Variants in MYH13 observed in about 807,000 individuals in gnomAD.
MYH13 encodes myosin heavy chain 13.
In MYH13, 177 loss-of-function variants were observed where a neutral mutation model predicts 232.1. The ratio of observed to expected loss-of-function variants is 0.76; its 90% CI spans 0.67 to 0.86. The LOEUF is 0.86. Ranked by LOEUF, MYH13 falls within the 40% of genes least tolerant of loss-of-function variation. The pLI, the probability that MYH13 is intolerant of heterozygous loss-of-function variation, is 0.00. For missense variants in MYH13, 2,246 were observed against 2,405.9 expected (o/e 0.93, Z 1.39); for synonymous variants, 884 against 923.5 (o/e 0.96, Z 0.78).
chr17:10,366,381 G>GTTTGTTTTTTTTTTTTT (rs2071837334), intron 2 of MYH13, among the ~76,000 whole-genome samples: 72 of 112,620 alleles, frequency 6.4e-4, no homozygotes, highest in African/African-American at 2.2e-3. Flanking sequence ...AAATAAATCT[G>GTTTGTTTTTTTTTTTTT]TTTTTTTTTT....
rs752805492 is a variant in MYH13, at chr17:10,340,183, G to A, written c.2023C>T (p.Arg675Ter). ...TTGGTCTCATTGGGAATCAGACATCGTACAAAGTGAGGGTGGGTGCTCCTT... is the reference window on the plus strand; with the variant it reads ...TTGGTCTCATTGGGAATCAGACATCATACAAAGTGAGGGTGGGTGCTCCTT... ...NLRSTHPHFV[R>*]CLIPNETKTP... The change falls in exon 18 of 41, where the codon CGA becomes TGA. Residue 675 changes from arginine to a stop codon, truncating the protein, a stop_gained. Coordinates refer to ENST00000252172, the MANE Select transcript of MYH13 (RefSeq NM_003802.3). LOFTEE classifies it high-confidence loss of function. The A allele has an allele frequency of 1.2e-6, 2 of 1,613,858 alleles. No homozygotes were observed. Among genetic ancestry groups the A allele is most frequent in the East Asian group, 2.2e-5 (1 of 44,878 alleles).
rs191788971 is a variant in MYH13 at position 10,353,639 on chromosome 17, T to C, written c.1005+1041A>G. On this transcript the variant is annotated intron_variant, in intron 11 of 40. Coordinates refer to ENST00000252172, the MANE Select transcript of MYH13 (RefSeq NM_003802.3). ...CAGCACTTTGGGAGGCTGAGCTGGG[T>C]GGATCACCAGAGATCAGGAGTTTGA... 4.3e-3 allele frequency among the ~76,000 whole-genome samples: 649 copies of C among 152,150 alleles called. 11 individuals carry two copies. The highest frequency in any genetic ancestry group is 0.015 in the African/African-American group (630 of 41,514).
At chr17:10,322,391 C>T (rs754114904) in intron 23 of MYH13, among the ~76,000 whole-genome samples, 7 of 152,036 alleles carry the variant, frequency 4.6e-5, no homozygotes, top group South Asian at 4.1e-4. Flanking sequence ...AGCGAGACTC[C>T]GTCTCAAAAA....
At chr17:10,330,670 G>A (rs1015122364) in intron 20 of MYH13, 147 bp from the exon 21 acceptor site, 22 of 1,159,228 alleles carry the variant, frequency 1.9e-5, no homozygotes, top group African/African-American at 3.1e-5. Flanking sequence ...CTTGCTTCTC[G>A]GTGGCTCTGG....
rs61543278 is a variant in MYH13, at chr17:10,326,981, G to GTTTTTTTTTTTTTT, written c.2691+871_2691+884dup. ...GAGACATGCACCACCATGCCTACTA[G>GTTTTTTTTTTTTTT]TTTTTTTTTTTTTTTTTTTTTTTTT... On this transcript the variant is annotated intron_variant, in intron 22 of 40. Transcript: ENST00000252172. Among the ~76,000 whole-genome samples the GTTTTTTTTTTTTTT allele has an allele frequency of 4.6e-3, 256 of 55,832 alleles. 117 individuals carry two copies. Among genetic ancestry groups the GTTTTTTTTTTTTTT allele is most frequent in the Middle Eastern group, 0.035 (3 of 86 alleles). 36.6% of individuals were successfully genotyped at this position (55,832 alleles called of 152,430 possible).
At chr17:10,359,579 G>C (rs2071775295) in intron 7 of MYH13, among the ~76,000 whole-genome samples, 1 of 152,160 alleles carries the variant, frequency 6.6e-6, no homozygotes, top group Non-Finnish European at 1.5e-5. Context: ...GGGGTCGTGA[G>C]CTCCTCCCAA....
chr17:10,332,284 C>A (rs73281983), intron 19 of MYH13, 62 bp from the exon 20 acceptor site: 45,792 of 1,596,124 alleles, frequency 0.029, 1,198 homozygotes, highest in African/African-American at 0.13. Context: ...TAGCTGAGAC[C>A]AGCCTTCTAG....
chr17:10,338,796 G>A (rs778981352), intron 18 of MYH13, among the ~76,000 whole-genome samples: 3 of 150,434 alleles, frequency 2.0e-5, no homozygotes, highest in Non-Finnish European at 4.4e-5. Context: ...CGTCTCCCGG[G>A]TTCACGCCAT....
chr17:10,332,912 A>G (rs1907458733), intron 19 of MYH13, among the ~76,000 whole-genome samples, 162 bp downstream of exon 19: 1 of 152,136 alleles, frequency 6.6e-6, no homozygotes, highest in Non-Finnish European at 1.5e-5. Flanking sequence ...GGGCTGGCCC[A>G]CTCACTGTGG....
At chr17:10,346,872 C>T in intron 12 of MYH13, 74 bp from the exon 13 acceptor site, 1 of 1,084,748 alleles carries the variant, frequency 9.2e-7, no homozygotes, top group East Asian at 2.4e-5. Flanking sequence ...CCTGGCTTCT[C>T]CCAGAAGTGT....
chr17:10,346,717 C>T lies in MYH13; in HGVS notation c.1226G>A (p.Gly409Asp). The T allele has an allele frequency of 1.2e-6, 2 of 1,613,922 alleles. No homozygotes were observed. Among genetic ancestry groups the T allele is most frequent in the Non-Finnish European group, 1.7e-6 (2 of 1,179,828 alleles). ...TTGCCCTTTAGTGACATATTCATTG[C>T]CAACCTTCACCCTTGGACAGCACAG... Reference protein sequence around the residue: ...KGLCCPRVKVGNEYVTKGQNV... With the variant: ...KGLCCPRVKVDNEYVTKGQNV... The change falls in exon 13 of 41, where the codon GGC (glycine) becomes GAC (aspartate). Residue 409 changes from glycine (G) to aspartate (D), a missense_variant. Physicochemically the swap from Gly to Asp is moderately conservative, Grantham distance 94. Transcript: ENST00000252172.
intron 7 of MYH13, among the ~76,000 whole-genome samples, chr17:10,359,626 A>G (rs2071776036): frequency 1.3e-5 from 2 of 152,146 alleles, no homozygotes; most frequent in Non-Finnish European, 2.9e-5. Context: ...GGAGGCCCGG[A>G]CTGGTCCCTG....
At position 10,315,763 on chromosome 17, in the gene MYH13, A is replaced by T. The variant is rs139070154; in HGVS notation, c.3914T>A (p.Leu1305Gln). The change falls in exon 29 of 41, where the codon CTG becomes CAG. Residue 1305 changes from leucine (L) to glutamine (Q), a missense_variant. Leu to Gln is a moderately radical substitution (Grantham distance 113). Coordinates refer to ENST00000252172, the MANE Select transcript of MYH13 (RefSeq NM_003802.3). ...GGTGAGGGCCTGCTTGCTTTTGGTC[A>T]GCTGTGAAATCAGAGACTCCTTCTC... ...VEEKESLISQ[L>Q]TKSKQALTQQ... 1,888 of 1,613,884 alleles carry T rather than the reference A, an allele frequency of 1.2e-3. 22 individuals carry two copies. In the African/African-American group the frequency reaches 0.021, roughly 18 times the overall value.
intron 11 of MYH13, among the ~76,000 whole-genome samples, chr17:10,353,035 A>G (rs2071722215): frequency 6.6e-6 from 1 of 151,628 alleles, no homozygotes; most frequent in Admixed American, 6.6e-5. Flanking sequence ...GCTTCAGCCA[A>G]TCACAGGCTG....
In MYH13 at chr17:10,311,120, C is replaced by A. The variant is rs761657838; in HGVS notation, c.4639G>T (p.Ala1547Ser). 1.9e-6 allele frequency: 3 copies of A among 1,613,984 alleles called. No individual in the cohort carries two copies. The highest frequency in any genetic ancestry group is 8.5e-7 in the Non-Finnish European group (1 of 1,179,870). ...VEQEKSDLQV[A>S]LEEVEGSLEH... Reference sequence around the variant, plus strand: ...ACACTTACCTCCACTTCTTCTAAGGCGACCTGCAGATCTGACTTTTCCTGC... The same window carrying A: ...ACACTTACCTCCACTTCTTCTAAGGAGACCTGCAGATCTGACTTTTCCTGC... Residue 1547 changes from alanine (A) to serine (S), a missense_variant, in exon 33 of 41, where the codon GCC (alanine) becomes TCC (serine). Transcript: ENST00000252172.
At chr17:10,322,627 G>GTTTTT (rs1470854182) in intron 23 of MYH13, among the ~76,000 whole-genome samples, 3 of 130,878 alleles carry the variant, frequency 2.3e-5, no homozygotes, top group Non-Finnish European at 4.8e-5. Context: ...CAATGTTACA[G>GTTTTT]TTGTTTTTTT....
At chr17:10,350,509 A>G (rs1311448310) in intron 12 of MYH13, 47 bp downstream of exon 12, 1 of 1,589,566 alleles carries the variant, frequency 6.3e-7, no homozygotes, top group Non-Finnish European at 8.6e-7. Flanking sequence ...TCGCCCGCAC[A>G]TGAACATAGA....
chr17:10,372,918 A>T (rs1325905458), intron 1 of MYH13, 61 bp downstream of exon 1: 1 of 152,076 alleles, frequency 6.6e-6, no homozygotes, highest in Non-Finnish European at 1.5e-5. Context: ...TTGACTGGTA[A>T]CCTGATCAGG....
intron 16 of MYH13, among the ~76,000 whole-genome samples, chr17:10,341,779 A>G (rs73283809): frequency 8.9e-4 from 135 of 152,318 alleles, no homozygotes; most frequent in African/African-American, 3.1e-3. Context: ...TTACAGAGAC[A>G]TTGTGATTAG....
Sources: allele counts gnomAD v4.1 joint callset (sites outside exome capture counted in the v4.1 genomes callset), GRCh38; gene constraint gnomAD v4.1.1; transcripts MANE v1.5; gene names NCBI Gene and HGNC (gene_info 2026-07-23, HGNC 2026-07-21).